DOCK3: variants seen among roughly 807,000 people sequenced by gnomAD.
DOCK3 encodes dedicator of cytokinesis protein 3.
DOCK3 carries 60 observed loss-of-function variants against 265.6 expected under a neutral mutation model. That is an observed-to-expected ratio of 0.23 (90% CI 0.18 to 0.28). The LOEUF (loss-of-function observed/expected upper bound fraction) is 0.28, where lower values mean the gene tolerates loss of function less well. Among genes scored for constraint, DOCK3 ranks in the 10% least tolerant of loss-of-function variants. The probability of loss-of-function intolerance (pLI) is 1.00; values close to 1 mark genes in which losing one functional copy is unlikely to be tolerated. For missense variants in DOCK3, 1,981 were observed against 2,594.3 expected (o/e 0.76, Z 5.14); for synonymous variants, 881 against 938.0 (o/e 0.94, Z 1.11).
intron 35 of DOCK3, among the ~76,000 whole-genome samples, chr3:51,336,272 A>G (rs1356460057): frequency 6.6e-6 from 1 of 151,996 alleles, no homozygotes; most frequent in Non-Finnish European, 1.5e-5. Context: ...TGTGTCAGAC[A>G]TGAAGATTCT....
intron 9 of DOCK3, among the ~76,000 whole-genome samples, chr3:51,091,490 T>C (rs2082634004): frequency 1.3e-5 from 2 of 152,144 alleles, no homozygotes; most frequent in Admixed American, 1.3e-4. Context: ...GAGACCAGCC[T>C]GACCAACATA....
At chr3:50,873,343 G>T (rs1471233297) in intron 3 of DOCK3, among the ~76,000 whole-genome samples, 1 of 152,102 alleles carries the variant, frequency 6.6e-6, no homozygotes, top group African/African-American at 2.4e-5. Context: ...GGGAGCTAGG[G>T]CCTGGAAAGG....
chr3:50,897,347 G>C (rs1008027295), intron 4 of DOCK3, among the ~76,000 whole-genome samples: 1 of 152,184 alleles, frequency 6.6e-6, no homozygotes, highest in African/African-American at 2.4e-5. Flanking sequence ...CTGAGAGTTT[G>C]CTGAAGTTGC....
chr3:51,237,662 G>A, intron 21 of DOCK3, 72 bp downstream of exon 21: 1 of 1,323,092 alleles, frequency 7.6e-7, no homozygotes, highest in Non-Finnish European at 1.1e-6. Flanking sequence ...AAGTTTAGCT[G>A]CAACCAGCAT....
chr3:51,150,924 G>C (rs2085555317), intron 10 of DOCK3, among the ~76,000 whole-genome samples: 1 of 152,114 alleles, frequency 6.6e-6, no homozygotes, highest in East Asian at 1.9e-4. Context: ...TCTGTCTAAT[G>C]TTGACAGTGG....
chr3:51,217,132 T>A (rs1333687959), intron 14 of DOCK3, among the ~76,000 whole-genome samples: 1 of 143,552 alleles, frequency 7.0e-6, no homozygotes, highest in African/African-American at 2.6e-5. Flanking sequence ...TGGCAGAAAC[T>A]ATCAAACACT....
At chr3:50,690,134 C>CCT (rs1215563597) in intron 1 of DOCK3, among the ~76,000 whole-genome samples, 3 of 147,980 alleles carry the variant, frequency 2.0e-5, no homozygotes, top group Non-Finnish European at 4.5e-5. Context: ...GCTATTTTTA[C>CCT]CTTTTTTTTT....
At chr3:50,696,157 A>G (rs1364035900) in intron 1 of DOCK3, among the ~76,000 whole-genome samples, 2 of 152,212 alleles carry the variant, frequency 1.3e-5, no homozygotes, top group East Asian at 1.9e-4. Context: ...ATTGGGGACC[A>G]TAGCTCCTAC....
chr3:51,280,299 T>G (rs894852821), intron 27 of DOCK3, 95 bp downstream of exon 27: 14 of 1,151,098 alleles, frequency 1.2e-5, no homozygotes, highest in Non-Finnish European at 1.7e-5. Flanking sequence ...TGCAAGTGAC[T>G]AGCATTGCCA....
intron 38 of DOCK3, among the ~76,000 whole-genome samples, chr3:51,343,846 C>T (rs2085386854): frequency 6.6e-6 from 1 of 152,308 alleles, no homozygotes; most frequent in Non-Finnish European, 1.5e-5. Context: ...ATAGCCTAGT[C>T]CTGGGCCATT....
intron 10 of DOCK3, among the ~76,000 whole-genome samples, chr3:51,150,182 G>T (rs965589587): frequency 6.6e-6 from 1 of 152,056 alleles, no homozygotes; most frequent in African/African-American, 2.4e-5. Flanking sequence ...GATCGGTGAC[G>T]ATATCCCCTT....
chr3:50,678,379 G>T (rs1400901027), intron 1 of DOCK3, among the ~76,000 whole-genome samples: 5 of 152,046 alleles, frequency 3.3e-5, no homozygotes, highest in Non-Finnish European at 7.4e-5. Context: ...CTATTTTTGT[G>T]AAACACCTGT....
chr3:51,250,287 T>A (rs904604901), intron 22 of DOCK3, among the ~76,000 whole-genome samples: 1 of 36,358 alleles, frequency 2.8e-5, no homozygotes, highest in Non-Finnish European at 7.4e-5. Flanking sequence ...AAAAAAAAAA[T>A]TAAAAAAAAT....
In DOCK3 at chr3:51,353,519, G is replaced by A. The variant is rs2086146660; in HGVS notation, c.4108-1363G>A. ...CCCAGTTACTTGAGAGGCTGAAGTG[G>A]GAGAATCACTTGAACCCGGGAGGCA... On this transcript the variant is annotated intron_variant, in intron 40 of 52. Coordinates refer to ENST00000266037, the MANE Select transcript of DOCK3 (RefSeq NM_004947.5). Among the ~76,000 whole-genome samples, 3 of 152,282 alleles carry A rather than the reference G, an allele frequency of 2.0e-5. No homozygotes were observed. The South Asian group carries it at 6.2e-4, about 32-fold the overall frequency.
intron 2 of DOCK3, among the ~76,000 whole-genome samples, chr3:50,823,164 A>T (rs925965442): frequency 2.6e-5 from 4 of 151,724 alleles, no homozygotes; most frequent in East Asian, 2.0e-4. Flanking sequence ...TTATTTATTT[A>T]TTTATTTTTT....
chr3:50,888,615 A>G (rs551951608), intron 3 of DOCK3, among the ~76,000 whole-genome samples: 23 of 152,312 alleles, frequency 1.5e-4, no homozygotes, highest in African/African-American at 4.8e-4. Flanking sequence ...AAACTATACT[A>G]CAAGGCTACA....
chr3:51,249,280 G>T (rs540580134), intron 22 of DOCK3, among the ~76,000 whole-genome samples: 2 of 142,676 alleles, frequency 1.4e-5, no homozygotes, highest in South Asian at 2.2e-4. Flanking sequence ...CTACTGGGAA[G>T]TGAGGAGCCC....
chr3:50,798,982 CT>C, intron 2 of DOCK3, among the ~76,000 whole-genome samples: 1 of 152,144 alleles, frequency 6.6e-6, no homozygotes, highest in Admixed American at 6.5e-5. Context: ...AAAAATGGTC[CT>C]TTTGCCAATG....
rs142213487 is a variant in DOCK3 at position 51,343,552 on chromosome 3, T to C, written c.3915+2167T>C. Reference sequence around the variant, plus strand: ...ACAAAAAGTAGTAGAAGAGAAGTGATTGGATTTCAGAGACTGGTAAGGCAT... The same window carrying C: ...ACAAAAAGTAGTAGAAGAGAAGTGACTGGATTTCAGAGACTGGTAAGGCAT... On this transcript the variant is annotated intron_variant, in intron 38 of 52. Transcript: ENST00000266037. 1.7e-3 allele frequency among the ~76,000 whole-genome samples: 252 copies of C among 152,346 alleles called. 1 individual carries two copies. The highest frequency in any genetic ancestry group is 6.8e-3 in the South Asian group (33 of 4,830).
Sources: allele counts gnomAD v4.1 joint callset (sites outside exome capture counted in the v4.1 genomes callset), GRCh38; gene constraint gnomAD v4.1.1; transcripts MANE v1.5; gene names NCBI Gene and HGNC (gene_info 2026-07-23, HGNC 2026-07-21).